NTRK3: variants seen among roughly 807,000 people sequenced by gnomAD.
NTRK3 encodes NT-3 growth factor receptor.
A neutral mutation model predicts 91.7 loss-of-function variants in NTRK3; 24 were observed. That is an observed-to-expected ratio of 0.26 (90% CI 0.19 to 0.37). The LOEUF (loss-of-function observed/expected upper bound fraction) is 0.37, where lower values mean the gene tolerates loss of function less well. NTRK3 is among the 10% of genes least tolerant of loss of function. NTRK3 has a pLI of 1.00. For synonymous variants in NTRK3, 483 were observed against 404.0 expected (o/e 1.20, Z -2.34); for missense variants, 880 against 1,068.9 (o/e 0.82, Z 2.46).
chr15:88,037,062 A>G lies in NTRK3; in HGVS notation c.1397-4017T>C, dbSNP rs141027519. 4.1e-4 allele frequency among the ~76,000 whole-genome samples: 62 copies of G among 152,332 alleles called. 1 individual carries two copies. The East Asian group carries it at 0.011, about 27-fold the overall frequency. On this transcript the variant is annotated intron_variant, in intron 13 of 18. Coordinates refer to ENST00000394480, the Ensembl canonical transcript of NTRK3. ...ATTTGAAAAAGCTGTGTTAAGGTGC[A>G]TAGATGGAAGTGTTCTGCCACAGAC...
At chr15:87,889,427 G>T (rs1479723090) in intron 17 of NTRK3, among the ~76,000 whole-genome samples, 1 of 114,880 alleles carries the variant, frequency 8.7e-6, no homozygotes, top group Non-Finnish European at 1.6e-5. Flanking sequence ...TTTTTGAGAC[G>T]AAGTCTCACT....
chr15:87,882,991 T>G (rs950420719), intron 17 of NTRK3, among the ~76,000 whole-genome samples: 14 of 151,902 alleles, frequency 9.2e-5, no homozygotes, highest in African/African-American at 2.9e-4. Flanking sequence ...TGCATGTTAT[T>G]TAAAATAGAC....
At chr15:87,928,923 C>T (rs189269433) in intron 17 of NTRK3, 133 of 595,206 alleles carry the variant, frequency 2.2e-4, no homozygotes, top group East Asian at 1.4e-3. Context: ...TATTGAAGCA[C>T]GTAAGAACAC....
chr15:88,010,748 C>CA (rs1567223780), intron 14 of NTRK3, among the ~76,000 whole-genome samples: 2 of 149,074 alleles, frequency 1.3e-5, no homozygotes, highest in African/African-American at 4.9e-5. Context: ...ACACACACAC[C>CA]CACACACACA....
chr15:88,039,960 T>C (rs1024984634), intron 13 of NTRK3, among the ~76,000 whole-genome samples: 3 of 152,166 alleles, frequency 2.0e-5, no homozygotes, highest in African/African-American at 7.2e-5. Context: ...CTGAGAAAGG[T>C]AACAACACCT....
At chr15:88,017,097 G>A (rs967072406) in intron 14 of NTRK3, among the ~76,000 whole-genome samples, 1 of 152,026 alleles carries the variant, frequency 6.6e-6, no homozygotes, top group Non-Finnish European at 1.5e-5. Context: ...ACCAAAAATG[G>A]GAGGCATTTT....
chr15:87,929,142 A>G, intron 17 of NTRK3, 49 bp downstream of exon 17: 1 of 1,613,940 alleles, frequency 6.2e-7, no homozygotes, highest in East Asian at 2.2e-5. Context: ...ACATGTAAGC[A>G]AGGCGCTAGC....
chr15:87,928,900 C>G, intron 17 of NTRK3: 1 of 578,938 alleles, frequency 1.7e-6, no homozygotes, highest in South Asian at 2.1e-5. Flanking sequence ...AGTATGTTTA[C>G]ATGAAGAATG....
At position 88,233,788 on chromosome 15, in the gene NTRK3, G is replaced by A. The variant is rs2141773217; in HGVS notation, c.248+22118C>T. Among the ~76,000 whole-genome samples, 1 of 149,978 alleles carries A rather than the reference G, an allele frequency of 6.7e-6. No homozygotes were observed. Among genetic ancestry groups the A allele is most frequent in the South Asian group, 2.1e-4 (1 of 4,766 alleles). ...CTTGCTCCTCCTCCCCTGACATCCA[G>A]TGCTCCCCCTCCCTGCCTTGTCCAA... On this transcript the variant is annotated intron_variant, in intron 3 of 18. Transcript: ENST00000394480. The surrounding 1 kb of genome is among the most constrained non-coding windows in gnomAD (Gnocchi z 4.2).
intron 5 of NTRK3, among the ~76,000 whole-genome samples, chr15:88,159,420 A>G (rs1296423555): frequency 1.3e-5 from 2 of 152,056 alleles, no homozygotes; most frequent in Non-Finnish European, 2.9e-5. Flanking sequence ...GGCTTGGAAA[A>G]ACCAAATTAC....
At chr15:87,868,113 C>A (rs1237735797) in exon 19 of NTRK3, 3 of 231,754 alleles carry the variant, frequency 1.3e-5, no homozygotes, top group African/African-American at 2.2e-5. Context: ...GGAAGCGACA[C>A]AAATGGGGCA....
At chr15:88,186,171 A>G (rs1016453670) in intron 3 of NTRK3, among the ~76,000 whole-genome samples, 10 of 152,246 alleles carry the variant, frequency 6.6e-5, no homozygotes, top group African/African-American at 9.6e-5. Flanking sequence ...TGTACAGAAT[A>G]CTTCTCATTC....
intron 13 of NTRK3, among the ~76,000 whole-genome samples, chr15:88,049,204 G>T (rs1168454216): frequency 6.6e-6 from 1 of 152,170 alleles, no homozygotes; most frequent in African/African-American, 2.4e-5. Flanking sequence ...CAAGAGGCAT[G>T]GAAGTGATGC....
At chr15:88,082,687 G>C (rs906809624) in intron 13 of NTRK3, among the ~76,000 whole-genome samples, 2 of 152,168 alleles carry the variant, frequency 1.3e-5, no homozygotes, top group African/African-American at 4.8e-5. Flanking sequence ...CTGGAGCTAA[G>C]AGCCAAAGAA....
intron 3 of NTRK3, among the ~76,000 whole-genome samples, chr15:88,224,491 G>A (rs1863486): frequency 0.85 from 130,059 of 152,282 alleles, 55,813 homozygotes; most frequent in East Asian, 0.98. Flanking sequence ...ATTATGAACC[G>A]CTAAGCCTCA....
chr15:87,924,978 T>C (rs2068171581), intron 17 of NTRK3, among the ~76,000 whole-genome samples: 1 of 152,178 alleles, frequency 6.6e-6, no homozygotes, highest in Non-Finnish European at 1.5e-5. Context: ...ATCTGTATTC[T>C]GAAATCTCAA....
At chr15:88,011,237 G>A (rs2076859122) in intron 14 of NTRK3, among the ~76,000 whole-genome samples, 1 of 152,062 alleles carries the variant, frequency 6.6e-6, no homozygotes, top group South Asian at 2.1e-4. Flanking sequence ...CCCTCCACCA[G>A]GTCAGCCTCT....
intron 13 of NTRK3, among the ~76,000 whole-genome samples, chr15:88,084,005 A>G (rs2048285349): frequency 6.6e-6 from 1 of 151,944 alleles, no homozygotes; most frequent in Non-Finnish European, 1.5e-5. Flanking sequence ...TGCAAGGAAA[A>G]TTTAATCCAT....
intron 13 of NTRK3, among the ~76,000 whole-genome samples, chr15:88,043,342 T>A (rs910726418): frequency 6.6e-6 from 1 of 152,178 alleles, no homozygotes; most frequent in African/African-American, 2.4e-5. Flanking sequence ...CATGAAGAGA[T>A]CATAGTTCAA....
Sources: gnomAD v4.1 joint callset for allele counts (sites outside exome capture counted in the v4.1 genomes callset) on GRCh38, gnomAD v4.1.1 for gene constraint, Gnocchi (gnomAD v3.1) non-coding constraint, MANE v1.5 for transcripts, NCBI Gene and HGNC (gene_info 2026-07-23, HGNC 2026-07-21) for gene names.